The following PSMD6 variants were observed in gnomAD, a reference collection of about 807,000 sequenced individuals.
The protein encoded by PSMD6 is proteasome 26S subunit, non-ATPase 6, also known as 26S proteasome non-ATPase regulatory subunit 6.
Under a neutral mutation model 44.9 loss-of-function variants are expected in PSMD6, and 7 were observed. That is an observed-to-expected ratio of 0.16 (90% confidence interval 0.09 to 0.29). The LOEUF (loss-of-function observed/expected upper bound fraction) is 0.29, where lower values mean the gene tolerates loss of function less well. Among genes scored for constraint, PSMD6 ranks in the 10% least tolerant of loss-of-function variants. PSMD6 has a pLI of 1.00. For synonymous variants in PSMD6, 184 were observed against 172.7 expected, an observed-to-expected ratio of 1.07 and a Z score of -0.51; for missense variants, 420 against 482.6, an observed-to-expected ratio of 0.87 and a Z score of 1.21.
intron 5 of PSMD6, chr3:64,016,791 A>G (rs2076050840): frequency 6.6e-6 from 1 of 152,214 alleles, no homozygotes; most frequent in African/African-American, 2.4e-5. Flanking sequence ...AAAGTTTATC[A>G]GAGGGTTGCC....
At chr3:64,014,756 T>C (rs1418504766) in intron 5 of PSMD6, 1 of 152,198 alleles carries the variant, frequency 6.6e-6, no homozygotes, top group Admixed American at 6.5e-5. Flanking sequence ...GATATGCCTA[T>C]TAAACAGCCA....
chr3:64,023,823 TA>T, upstream of PSMD6: 1 of 1,476,704 alleles, frequency 6.8e-7, no homozygotes, highest in Non-Finnish European at 9.1e-7. Flanking sequence ...GTCGAGTCGT[TA>T]CTCTCATTCA....
chr3:64,013,659 A>AGAT, intron 5 of PSMD6, 52 bp from the exon 6 acceptor site: 6 of 1,497,572 alleles, frequency 4.0e-6, no homozygotes, highest in Non-Finnish European at 5.4e-6. Flanking sequence ...TCAGATAAAA[A>AGAT]GATTAAAAAC....
At position 64,018,621 on chromosome 3, in the gene PSMD6, G is replaced by A. The variant is rs2076084246; in HGVS notation, c.804C>T (p.Tyr268=). 5 of 1,579,254 alleles carry A rather than the reference G, an allele frequency of 3.2e-6. No individual in the cohort carries two copies. The highest frequency in any genetic ancestry group is 8.7e-7 in the Non-Finnish European group (1 of 1,148,768). ...TACCTAATGATTGGAAGAAAACAGA[G>A]TAACGGCATTCATAGAGTGAAAACA... The part of the protein sequence containing the change: ...QYLFSLYECR[Y]SVFFQSLAVV... The change falls in exon 5 of 8, where the codon TAC becomes TAT. Residue 268 remains tyrosine (Y), a synonymous_variant. Coordinates refer to ENST00000295901, the MANE Select transcript of PSMD6 (RefSeq NM_014814.3).
intron 6 of PSMD6, 64 bp from the exon 7 acceptor site, chr3:64,011,019 G>T: frequency 7.7e-7 from 1 of 1,302,098 alleles, no homozygotes; most frequent in Non-Finnish European, 1.1e-6. Context: ...AATGCAAACG[G>T]CATTAAAATA....
chr3:64,016,436 T>C (rs2076045203), intron 5 of PSMD6: 1 of 151,912 alleles, frequency 6.6e-6, no homozygotes, highest in African/African-American at 2.4e-5. Flanking sequence ...AGTGCTGTCC[T>C]GCTGTCAGGG....
At chr3:64,023,932 C>T (rs1372377494), upstream of PSMD6, 7 of 1,030,384 alleles carry the variant, frequency 6.8e-6, no homozygotes, top group East Asian at 1.4e-4. Flanking sequence ...ACAGACCAAC[C>T]AAGGTCATGT....
chr3:64,011,221 C>G (rs1456338941), intron 6 of PSMD6: 1 of 296,506 alleles, frequency 3.4e-6, no homozygotes, highest in Non-Finnish European at 6.2e-6. Context: ...CAGAGAAAAA[C>G]TGTAGGTTAG....
At chr3:64,013,700 A>C (rs922231883) in intron 5 of PSMD6, 93 bp from the exon 6 acceptor site, 2 of 1,135,934 alleles carry the variant, frequency 1.8e-6, no homozygotes, top group African/African-American at 1.6e-5. Context: ...AGTCCAACAG[A>C]TAGATGAACA....
At chr3:64,019,694 A>G in intron 2 of PSMD6, 1 of 398,208 alleles carries the variant, frequency 2.5e-6, no homozygotes, top group South Asian at 7.4e-5. Context: ...CAGGAAAACA[A>G]TTTAAGAAAA....
chr3:64,016,470 G>C (rs907731316), intron 5 of PSMD6: 1 of 150,844 alleles, frequency 6.6e-6, no homozygotes, highest in Non-Finnish European at 1.5e-5. Flanking sequence ...AAAAAAAAAA[G>C]CATAAGTTCT....
At chr3:64,016,060 G>C (rs1310742882) in intron 5 of PSMD6, 2 of 151,942 alleles carry the variant, frequency 1.3e-5, no homozygotes, top group Non-Finnish European at 2.9e-5. Context: ...GGTGGCGGGC[G>C]CCTGTAATCC....
chr3:64,022,100 GGAA>G (rs1214252270), intron 2 of PSMD6, among the ~76,000 whole-genome samples: 3 of 152,190 alleles, frequency 2.0e-5, no homozygotes, highest in Admixed American at 6.5e-5. Context: ...GGTGAAATGG[GGAA>G]GAATACAGCC....
At chr3:64,018,754 T>A (rs1426713938) in intron 4 of PSMD6, 47 bp from the exon 5 acceptor site, 1 of 1,523,152 alleles carries the variant, frequency 6.6e-7, no homozygotes, top group African/African-American at 1.4e-5. Context: ...TACATTTTAA[T>A]GATTTGTGTA....
chr3:64,023,456 T>A lies in PSMD6; in HGVS notation c.-37A>T, dbSNP rs762939556. On this transcript the variant is annotated 5_prime_UTR_variant, in exon 1 of 8. Transcript: ENST00000295901. ...GGACAGCGGCTGACAGGACACAACT[T>A]GGTTACGACCGGCTGCGGCAGCGGA... The A allele has an allele frequency of 5.2e-6, 8 of 1,530,560 alleles. No individual in the cohort carries two copies. In the Admixed American group the frequency reaches 1.6e-4, roughly 30 times the overall value. The allele number at this position is 1,530,560 out of a possible 1,614,324, so 94.8% of individuals were successfully genotyped here.
chr3:64,011,246 C>CAAAACTGATAAAAACAGTAAACTGT (rs1251842235), intron 6 of PSMD6: 1 of 251,278 alleles, frequency 4.0e-6, no homozygotes, highest in African/African-American at 2.2e-5. Context: ...AATTAGGGAC[C>CAAAACTGATAAAAACAGTAAACTGT]AAAACTGATA....
intron 5 of PSMD6, chr3:64,016,083 AGGCTGAGGCAGGAG>A (rs931006078): frequency 2.6e-5 from 4 of 151,998 alleles, no homozygotes; most frequent in African/African-American, 9.7e-5. Context: ...GCTGCTCAGG[AGGCTGAGGCAGGAG>A]AACGGCATGA....
intron 6 of PSMD6, chr3:64,013,108 T>C (rs1161163541): frequency 5.3e-6 from 1 of 188,968 alleles, no homozygotes; most frequent in Non-Finnish European, 1.1e-5. Context: ...ACTGTAAATA[T>C]CAGATCTAAG....
chr3:64,016,197 A>AT (rs2076041537), intron 5 of PSMD6: 1 of 152,024 alleles, frequency 6.6e-6, no homozygotes, highest in Admixed American at 6.5e-5. Flanking sequence ...AAATAAATAA[A>AT]TAAATAAATA....
Sources: allele counts gnomAD v4.1 joint callset (sites outside exome capture counted in the v4.1 genomes callset), GRCh38; gene constraint gnomAD v4.1.1; transcripts MANE v1.5; gene names NCBI Gene and HGNC (gene_info 2026-07-23, HGNC 2026-07-21).